ESRRG: variants seen among roughly 807,000 people sequenced by gnomAD.
ESRRG encodes the protein estrogen related receptor gamma.
A neutral mutation model predicts 44.0 loss-of-function variants in ESRRG; 13 were observed. The observed-to-expected ratio is 0.30, with a 90% CI of 0.19 to 0.47. The LOEUF is 0.47. ESRRG is among the 20% of genes least tolerant of loss of function. ESRRG has a pLI of 1.00. For synonymous variants in ESRRG, 215 were observed against 214.6 expected, an observed-to-expected ratio of 1.00 and a Z score of -0.02; for missense variants, 395 against 580.6, an observed-to-expected ratio of 0.68 and a Z score of 3.29.
At chr1:216,549,343 T>C (rs1218715590) in intron 5 of ESRRG, among the ~76,000 whole-genome samples, 2 of 151,912 alleles carry the variant, frequency 1.3e-5, no homozygotes, top group Non-Finnish European at 2.9e-5. Context: ...GAGAAAAATA[T>C]TGGAAAGGAG....
chr1:217,024,363 A>G (rs1446308091), intron 1 of ESRRG, among the ~76,000 whole-genome samples: 1 of 151,976 alleles, frequency 6.6e-6, no homozygotes, highest in South Asian at 2.1e-4. Context: ...ATTTAAAAAA[A>G]AAAAAAAAAT....
At chr1:216,657,791 T>A (rs2071013618) in intron 2 of ESRRG, among the ~76,000 whole-genome samples, 1 of 152,172 alleles carries the variant, frequency 6.6e-6, no homozygotes, top group African/African-American at 2.4e-5. Flanking sequence ...ACAAGTCTCA[T>A]GCTCTTTGCC....
At chr1:216,778,679 C>T (rs1400540067) in intron 2 of ESRRG, among the ~76,000 whole-genome samples, 1 of 151,876 alleles carries the variant, frequency 6.6e-6, no homozygotes, top group Non-Finnish European at 1.5e-5. Context: ...ATACTTTTGG[C>T]TGAAATGTAT....
At chr1:216,597,707 CTG>C (rs1322174691) in intron 3 of ESRRG, among the ~76,000 whole-genome samples, 1 of 152,116 alleles carries the variant, frequency 6.6e-6, no homozygotes, top group Non-Finnish European at 1.5e-5. Context: ...TTACTGATAA[CTG>C]AGATACTACA....
At chr1:217,123,971 C>G (rs2092858054) in intron 1 of ESRRG, among the ~76,000 whole-genome samples, 2 of 152,280 alleles carry the variant, frequency 1.3e-5, no homozygotes, top group African/African-American at 4.8e-5. Context: ...AAAGCAATCT[C>G]CTGGAATAAG....
chr1:216,773,178 G>A (rs1291501116), intron 2 of ESRRG, among the ~76,000 whole-genome samples: 1 of 152,038 alleles, frequency 6.6e-6, no homozygotes, highest in Non-Finnish European at 1.5e-5. Context: ...ATGCCTTTCT[G>A]TAATATTCAT....
chr1:216,605,875 TAAA>T (rs34585572), intron 3 of ESRRG, among the ~76,000 whole-genome samples: 4 of 144,438 alleles, frequency 2.8e-5, no homozygotes, highest in Non-Finnish European at 3.1e-5. Flanking sequence ...GAGCTTAAAT[TAAA>T]AAAAAAAAAA....
intron 1 of ESRRG, among the ~76,000 whole-genome samples, chr1:217,017,770 C>T (rs1362953447): frequency 2.0e-5 from 3 of 152,050 alleles, no homozygotes; most frequent in Non-Finnish European, 4.4e-5. Flanking sequence ...CTCTGTTATG[C>T]TATATAAATG....
chr1:217,048,235 C>T (rs1448845093), intron 1 of ESRRG, among the ~76,000 whole-genome samples: 2 of 152,108 alleles, frequency 1.3e-5, no homozygotes, highest in African/African-American at 2.4e-5. Flanking sequence ...AGGGCAGTCG[C>T]TGACGGTACT....
intron 2 of ESRRG, among the ~76,000 whole-genome samples, chr1:216,656,321 G>A (rs1341140161): frequency 6.6e-6 from 1 of 152,164 alleles, no homozygotes; most frequent in East Asian, 1.9e-4. Flanking sequence ...CTAGGGAAGT[G>A]TGCTCTGCTG....
chr1:216,699,413 A>C (rs2080945009), intron 1 of ESRRG, among the ~76,000 whole-genome samples: 1 of 152,182 alleles, frequency 6.6e-6, no homozygotes, highest in African/African-American at 2.4e-5. Flanking sequence ...GAGACATCAT[A>C]ATAACCTGCC....
intron 3 of ESRRG, among the ~76,000 whole-genome samples, chr1:216,600,443 G>A (rs2059045567): frequency 6.6e-6 from 1 of 152,088 alleles, no homozygotes; most frequent in African/African-American, 2.4e-5. Context: ...GATGAAGGGG[G>A]GCGGGTCAGG....
At chr1:216,643,576 T>C (rs1167642756) in intron 3 of ESRRG, among the ~76,000 whole-genome samples, 1 of 152,198 alleles carries the variant, frequency 6.6e-6, no homozygotes, top group African/African-American at 2.4e-5. Context: ...TACAGTGTCC[T>C]CAACCTTACC....
rs571189454 is a variant in ESRRG, at chr1:216,697,269, A to G, written c.57-19778T>C. Among the ~76,000 whole-genome samples, 11 of 152,242 alleles carry G rather than the reference A, an allele frequency of 7.2e-5. No homozygotes were observed. In the East Asian group the frequency reaches 2.1e-3, roughly 29 times the overall value. ...GCGTGAGCCACTGCACCTGGCCCCA[A>G]ATATCATGTTTAATTTTTGGAATAA... On this transcript the variant is annotated intron_variant, in intron 1 of 6. Coordinates refer to ENST00000408911, the MANE Select transcript of ESRRG (RefSeq NM_001438.4).
chr1:217,013,684 T>C (rs12731437), intron 1 of ESRRG, among the ~76,000 whole-genome samples: 23,249 of 152,104 alleles, frequency 0.15, 2,251 homozygotes, highest in Admixed American at 0.21. Context: ...CTTTTTGAAG[T>C]ATACATTAGC....
chr1:216,795,342 CTT>C (rs35142972), intron 2 of ESRRG, among the ~76,000 whole-genome samples: 4,911 of 105,436 alleles, frequency 0.047, 101 homozygotes, highest in African/African-American at 0.15. Flanking sequence ...TTTTCTTTTT[CTT>C]TTTTTTTTTT....
At chr1:217,009,322 T>C (rs1375952591) in intron 1 of ESRRG, among the ~76,000 whole-genome samples, 3 of 152,222 alleles carry the variant, frequency 2.0e-5, no homozygotes, top group South Asian at 2.1e-4. Context: ...TGGTAGATAA[T>C]GTACATTTTT....
chr1:217,022,635 C>A (rs1204689440), intron 1 of ESRRG, among the ~76,000 whole-genome samples: 2 of 152,178 alleles, frequency 1.3e-5, no homozygotes, highest in African/African-American at 2.4e-5. Flanking sequence ...GGAGCATCGA[C>A]CCTGTGCTTG....
intron 1 of ESRRG, among the ~76,000 whole-genome samples, chr1:217,003,155 G>T (rs576756969): frequency 1.8e-4 from 28 of 151,710 alleles, no homozygotes; most frequent in Admixed American, 1.6e-3. Context: ...TCAGGAAGTT[G>T]CAAAAAAAAA....
Sources: allele counts gnomAD v4.1 joint callset (sites outside exome capture counted in the v4.1 genomes callset), GRCh38; gene constraint gnomAD v4.1.1; transcripts MANE v1.5; gene names NCBI Gene and HGNC (gene_info 2026-07-23, HGNC 2026-07-21).